KCNK2: variants seen among roughly 807,000 people sequenced by gnomAD.
KCNK2 encodes the protein potassium channel subfamily K member 2.
A neutral mutation model predicts 40.5 loss-of-function variants in KCNK2; 21 were observed. The observed-to-expected ratio is 0.52, with a 90% CI of 0.37 to 0.75. The LOEUF (loss-of-function observed/expected upper bound fraction) is 0.75, where lower values mean the gene tolerates loss of function less well. KCNK2 is among the 30% of genes least tolerant of loss of function. KCNK2 has a pLI of 0.00. For synonymous variants in KCNK2, 191 were observed against 202.2 expected, an observed-to-expected ratio of 0.94 and a Z score of 0.47; for missense variants, 399 against 531.6, an observed-to-expected ratio of 0.75 and a Z score of 2.45.
intron 1 of KCNK2, among the ~76,000 whole-genome samples, chr1:215,022,109 A>ATCTATCTATCTATCTATCTT (rs1656818893): frequency 8.1e-6 from 1 of 123,028 alleles, no homozygotes; most frequent in East Asian, 2.5e-4. Flanking sequence ...ATCCCCTCCT[A>ATCTATCTATCTATCTATCTT]TCTATCTATC....
chr1:215,134,410 G>T (rs753148862), intron 3 of KCNK2, among the ~76,000 whole-genome samples: 2 of 152,170 alleles, frequency 1.3e-5, no homozygotes, highest in Non-Finnish European at 2.9e-5. Flanking sequence ...ATTACAAAGG[G>T]TATTACAAGG....
intron 3 of KCNK2, among the ~76,000 whole-genome samples, chr1:215,153,647 C>T (rs1455078138): frequency 2.0e-5 from 3 of 151,072 alleles, no homozygotes; most frequent in African/African-American, 4.9e-5. Flanking sequence ...CTTTAAGTTC[C>T]GGGATACGTG....
intron 2 of KCNK2, among the ~76,000 whole-genome samples, chr1:215,117,181 G>T (rs947153704): frequency 1.3e-5 from 2 of 151,894 alleles, no homozygotes; most frequent in African/African-American, 4.8e-5. Flanking sequence ...TGAAAAACTA[G>T]TTTCATGTAA....
At position 215,083,207 on chromosome 1, in the gene KCNK2, C is replaced by T; in HGVS notation, c.-179C>T. 9.4e-7 allele frequency: 1 copy of T among 1,058,670 alleles called. No homozygotes were observed. The highest frequency in any genetic ancestry group is 1.4e-6 in the Non-Finnish European group (1 of 736,454). The allele number at this position is 1,058,670 out of a possible 1,614,324, so 65.6% of individuals were successfully genotyped here. On this transcript the variant is annotated 5_prime_UTR_variant, in exon 1 of 7. Transcript: ENST00000444842. Reference sequence around the variant, plus strand: ...TTCTTCTCACGCTCCCCCCCCCGCCCCCTCCCGCGTCCAGCCCCGCTCTCC... The same window carrying T: ...TTCTTCTCACGCTCCCCCCCCCGCCTCCTCCCGCGTCCAGCCCCGCTCTCC...
chr1:215,019,065 C>T (rs1254785241), intron 1 of KCNK2, among the ~76,000 whole-genome samples: 2 of 152,072 alleles, frequency 1.3e-5, no homozygotes, highest in East Asian at 1.9e-4. Context: ...CCATGTCCTA[C>T]GTATCTGATA....
At chr1:215,060,754 T>A (rs1658336629) in intron 1 of KCNK2, among the ~76,000 whole-genome samples, 1 of 152,224 alleles carries the variant, frequency 6.6e-6, no homozygotes, top group East Asian at 1.9e-4. Flanking sequence ...ATAAATTACC[T>A]TCTCTATAAA....
chr1:215,134,709 A>T (rs1661824792), intron 3 of KCNK2, among the ~76,000 whole-genome samples: 1 of 152,088 alleles, frequency 6.6e-6, no homozygotes, highest in African/African-American at 2.4e-5. Flanking sequence ...GGAACCCAGT[A>T]AGAATCACCT....
intron 5 of KCNK2, among the ~76,000 whole-genome samples, chr1:215,180,597 T>G (rs1022403338): frequency 3.9e-5 from 6 of 152,186 alleles, no homozygotes; most frequent in African/African-American, 9.7e-5. Context: ...AAAAAATATT[T>G]TATTTCTTCT....
At chr1:215,133,676 G>T (rs1040581405) in intron 3 of KCNK2, among the ~76,000 whole-genome samples, 8 of 150,958 alleles carry the variant, frequency 5.3e-5, no homozygotes. Context: ...TGGAAAATTG[G>T]CATTGTTATT....
intron 5 of KCNK2, among the ~76,000 whole-genome samples, chr1:215,177,769 G>T (rs533033614): frequency 8.1e-6 from 1 of 123,494 alleles, no homozygotes; most frequent in Non-Finnish European, 1.6e-5. Context: ...GTACCATGCT[G>T]TTTCGGTTAC....
At chr1:215,179,716 T>C (rs2102647359) in intron 5 of KCNK2, among the ~76,000 whole-genome samples, 1 of 152,286 alleles carries the variant, frequency 6.6e-6, no homozygotes, top group South Asian at 2.1e-4. Context: ...TCCACTGTAG[T>C]CTGAGAGTAT....
intron 6 of KCNK2, among the ~76,000 whole-genome samples, chr1:215,225,376 A>G (rs1666346385): frequency 6.6e-6 from 1 of 152,228 alleles, no homozygotes; most frequent in African/African-American, 2.4e-5. Context: ...ATATGGCTCA[A>G]AGAATATCTT....
At chr1:215,214,184 A>G (rs139419208) in intron 6 of KCNK2, among the ~76,000 whole-genome samples, 109 of 152,278 alleles carry the variant, frequency 7.2e-4, no homozygotes, top group Admixed American at 1.8e-3. Context: ...AGCTGTACAG[A>G]CGCATGGCTG....
At chr1:215,212,176 C>T (rs1665769603) in intron 6 of KCNK2, among the ~76,000 whole-genome samples, 1 of 151,970 alleles carries the variant, frequency 6.6e-6, no homozygotes, top group African/African-American at 2.4e-5. Context: ...ATTTTTATTC[C>T]TGATGTGATG....
intron 6 of KCNK2, among the ~76,000 whole-genome samples, chr1:215,232,687 T>A (rs995654837): frequency 1.3e-5 from 2 of 152,174 alleles, no homozygotes; most frequent in Non-Finnish European, 2.9e-5. Context: ...ACTTTTATAT[T>A]AAAAACATAT....
intron 3 of KCNK2, among the ~76,000 whole-genome samples, chr1:215,144,150 C>T (rs1029529867): frequency 6.6e-6 from 1 of 151,990 alleles, no homozygotes; most frequent in Non-Finnish European, 1.5e-5. Context: ...AACATATGCC[C>T]TTTTTTCTAA....
At position 215,235,919 on chromosome 1, in the gene KCNK2, T is replaced by C. The variant is rs1264316711; in HGVS notation, c.*774T>C. 6.6e-6 allele frequency: 1 copy of C among 152,632 alleles called. No individual in the cohort carries two copies. The highest frequency in any genetic ancestry group is 1.9e-4 in the East Asian group (1 of 5,188). The allele number at this position is 152,632 out of a possible 1,614,324, so 9.5% of individuals were successfully genotyped here. The stretch of plus-strand genomic sequence containing the variant: ...ATTTGACTCAGGTACCAGTGGTACA[T>C]ATATACAGTGTAATTATGACCAGGC... On this transcript the variant is annotated 3_prime_UTR_variant, in exon 7 of 7. Transcript: ENST00000444842.
chr1:215,013,527 C>T (rs534716315), intron 1 of KCNK2, among the ~76,000 whole-genome samples: 1 of 152,234 alleles, frequency 6.6e-6, no homozygotes, highest in Admixed American at 6.5e-5. Context: ...AAATTGATAT[C>T]TAAACGATAC....
intron 3 of KCNK2, among the ~76,000 whole-genome samples, chr1:215,156,375 T>C (rs1662925588): frequency 6.6e-6 from 1 of 152,136 alleles, no homozygotes; most frequent in South Asian, 2.1e-4. Flanking sequence ...TTGAAAGTGA[T>C]GTGAAAAAGA....
Sources: allele counts gnomAD v4.1 joint callset (sites outside exome capture counted in the v4.1 genomes callset), GRCh38; gene constraint gnomAD v4.1.1; transcripts MANE v1.5; gene names NCBI Gene and HGNC (gene_info 2026-07-23, HGNC 2026-07-21).